The following ALK variants were observed in gnomAD, a reference collection of about 807,000 sequenced individuals.
ALK encodes ALK receptor tyrosine kinase, also known as ALK tyrosine kinase receptor.
ALK carries 74 observed loss-of-function variants against 163.1 expected under a neutral mutation model. That is an observed-to-expected ratio of 0.45 (90% CI 0.38 to 0.55). The LOEUF (loss-of-function observed/expected upper bound fraction) is 0.55, where lower values mean the gene tolerates loss of function less well. Ranked by LOEUF, ALK falls within the 20% of genes least tolerant of loss-of-function variation. ALK has a pLI of 0.00. For missense variants in ALK, 2,063 were observed against 2,105.3 expected (o/e 0.98, Z 0.39); for synonymous variants, 960 against 843.2 (o/e 1.14, Z -2.40).
At chr2:29,844,890 G>C (rs1398771222) in intron 1 of ALK, among the ~76,000 whole-genome samples, 7 of 129,924 alleles carry the variant, frequency 5.4e-5, no homozygotes, top group African/African-American at 1.4e-4. Flanking sequence ...CACACACACA[G>C]AGGCACACAC....
At chr2:29,580,633 A>G (rs928255507) in intron 3 of ALK, among the ~76,000 whole-genome samples, 1 of 152,248 alleles carries the variant, frequency 6.6e-6, no homozygotes, top group Non-Finnish European at 1.5e-5. Flanking sequence ...GAAGATGAGC[A>G]ACATGTGGCA....
At chr2:29,560,057 G>A (rs559112804) in intron 3 of ALK, among the ~76,000 whole-genome samples, 25 of 152,234 alleles carry the variant, frequency 1.6e-4, no homozygotes, top group African/African-American at 6.0e-4. Context: ...AAAATATTAA[G>A]CATGTGGTTA....
rs893099780 is a variant in ALK, at chr2:29,318,652, C to T, written c.1547-248G>A. On this transcript the variant is annotated intron_variant, in intron 7 of 28. Transcript: ENST00000389048. ...CGCGATCTTGGCTCACTGCAAGCTCCGCCTCCCGGGTTCATGCCATTCTCC... is the reference window on the plus strand; with the variant it reads ...CGCGATCTTGGCTCACTGCAAGCTCTGCCTCCCGGGTTCATGCCATTCTCC... Among the ~76,000 whole-genome samples the T allele has an allele frequency of 1.6e-4, 25 of 151,862 alleles. 1 individual carries two copies. The highest frequency in any genetic ancestry group is 3.4e-3 in the Middle Eastern group (1 of 294).
chr2:29,453,753 G>A (rs891505981), intron 4 of ALK, among the ~76,000 whole-genome samples: 2 of 152,100 alleles, frequency 1.3e-5, no homozygotes, highest in Non-Finnish European at 2.9e-5. Flanking sequence ...AGACGATATG[G>A]AGCAAGTGTG....
intron 1 of ALK, among the ~76,000 whole-genome samples, chr2:29,856,134 G>T (rs1197090240): frequency 1.3e-5 from 2 of 152,158 alleles, no homozygotes; most frequent in South Asian, 2.1e-4. Flanking sequence ...AAATGACACA[G>T]AGTTGTCAGA....
intron 4 of ALK, among the ~76,000 whole-genome samples, chr2:29,445,194 A>G (rs1396937855): frequency 6.6e-6 from 1 of 152,190 alleles, no homozygotes; most frequent in Non-Finnish European, 1.5e-5. Flanking sequence ...GAAATTAATA[A>G]TTAGGCAGAG....
chr2:29,833,432 C>A (rs940504935), intron 1 of ALK, among the ~76,000 whole-genome samples: 1 of 152,212 alleles, frequency 6.6e-6, no homozygotes, highest in Non-Finnish European at 1.5e-5. Context: ...CTCTCATGCT[C>A]TACAGTGTGA....
chr2:29,452,693 C>T (rs1211870088), intron 4 of ALK, among the ~76,000 whole-genome samples: 1 of 152,120 alleles, frequency 6.6e-6, no homozygotes, highest in Non-Finnish European at 1.5e-5. Flanking sequence ...AGAAAACCAT[C>T]AGTTGCCACC....
At chr2:29,342,974 C>T (rs1667839673) in intron 5 of ALK, among the ~76,000 whole-genome samples, 1 of 148,680 alleles carries the variant, frequency 6.7e-6, no homozygotes, top group African/African-American at 2.5e-5. Context: ...GCTCTGCCTC[C>T]TGGGTTCGTG....
chr2:29,803,461 G>A (rs1301021964), intron 1 of ALK, among the ~76,000 whole-genome samples: 1 of 152,172 alleles, frequency 6.6e-6, no homozygotes, highest in Non-Finnish European at 1.5e-5. Flanking sequence ...CCACTCTCAC[G>A]CTTGGGGTAT....
intron 13 of ALK, among the ~76,000 whole-genome samples, chr2:29,236,612 G>A (rs148667088): frequency 0.022 from 3,357 of 152,236 alleles, 65 homozygotes; most frequent in South Asian, 0.038. Flanking sequence ...CAAGGCTCTT[G>A]CTGGACCAGT....
chr2:29,914,857 G>T (rs1667790678), intron 1 of ALK, among the ~76,000 whole-genome samples: 1 of 152,196 alleles, frequency 6.6e-6, no homozygotes. Flanking sequence ...AAGGAAAGGG[G>T]AACTGTGGTT....
intron 3 of ALK, among the ~76,000 whole-genome samples, chr2:29,576,037 C>T (rs574443298): frequency 2.0e-5 from 3 of 152,270 alleles, no homozygotes; most frequent in East Asian, 1.9e-4. Flanking sequence ...TAAGGAAGAA[C>T]CTGCAAGAGC....
At chr2:29,224,643 T>C (rs1459476571) in intron 19 of ALK, 1 of 225,388 alleles carries the variant, frequency 4.4e-6, no homozygotes, top group Non-Finnish European at 8.8e-6. Context: ...TTCCCTCCTC[T>C]ATGCAATGGA....
At position 29,333,405 on chromosome 2, in the gene ALK, C is replaced by T. The variant is rs141643520; in HGVS notation, c.1283-4924G>A. On this transcript the variant is annotated intron_variant, in intron 5 of 28. Transcript: ENST00000389048. ...ACAGGCATAAGCTATCGTGCCCAGCCTCGAGGTTGAATTTTTTCTCACATT... is the reference window on the plus strand; with the variant it reads ...ACAGGCATAAGCTATCGTGCCCAGCTTCGAGGTTGAATTTTTTCTCACATT... Among the ~76,000 whole-genome samples the T allele has an allele frequency of 7.0e-3, 1,065 of 152,312 alleles. 11 individuals carry two copies. Among genetic ancestry groups the T allele is most frequent in the African/African-American group, 0.023 (953 of 41,574 alleles).
At chr2:29,394,595 C>A (rs1194460895) in intron 4 of ALK, among the ~76,000 whole-genome samples, 1 of 152,124 alleles carries the variant, frequency 6.6e-6, no homozygotes, top group Non-Finnish European at 1.5e-5. Context: ...GAGAAGAGAC[C>A]ACAGGAGGGG....
intron 3 of ALK, among the ~76,000 whole-genome samples, chr2:29,693,603 G>A (rs1204435220): frequency 6.6e-6 from 1 of 152,190 alleles, no homozygotes; most frequent in African/African-American, 2.4e-5. Flanking sequence ...ACAAGGTAGA[G>A]GCTGAGGTAT....
chr2:29,524,078 T>C (rs1387025294), intron 4 of ALK, among the ~76,000 whole-genome samples: 1 of 152,120 alleles, frequency 6.6e-6, no homozygotes, highest in Non-Finnish European at 1.5e-5. Context: ...TTTCATCTTT[T>C]CATCGATTGG....
chr2:29,402,398 C>T lies in ALK; in HGVS notation c.1155-18539G>A, dbSNP rs144717430. Among the ~76,000 whole-genome samples, 558 of 152,312 alleles carry T rather than the reference C, an allele frequency of 3.7e-3. 5 individuals carry two copies. The highest frequency in any genetic ancestry group is 0.013 in the African/African-American group (527 of 41,562). ...CAGCATGGTCCAGAGGAAGAATACCCGAGTGATGGTCTGGAGATCCCAACT... is the reference window on the plus strand; with the variant it reads ...CAGCATGGTCCAGAGGAAGAATACCTGAGTGATGGTCTGGAGATCCCAACT... On this transcript the variant is annotated intron_variant, in intron 4 of 28. Coordinates refer to ENST00000389048, the MANE Select transcript of ALK (RefSeq NM_004304.5).
Sources: gnomAD v4.1 joint callset for allele counts (sites outside exome capture counted in the v4.1 genomes callset) on GRCh38, gnomAD v4.1.1 for gene constraint, MANE v1.5 for transcripts, NCBI Gene and HGNC (gene_info 2026-07-23, HGNC 2026-07-21) for gene names.